ARHGAP39: variants seen among roughly 807,000 people sequenced by gnomAD.
ARHGAP39 encodes rho GTPase-activating protein 39.
Under a neutral mutation model 106.9 loss-of-function variants are expected in ARHGAP39, and 44 were observed. The ratio of observed to expected loss-of-function variants is 0.41; its 90% confidence interval spans 0.32 to 0.53. The LOEUF is 0.53. Among genes scored for constraint, ARHGAP39 ranks in the 20% least tolerant of loss-of-function variants. The probability of loss-of-function intolerance (pLI) is 0.21; values close to 1 mark genes in which losing one functional copy is unlikely to be tolerated. For synonymous variants in ARHGAP39, 768 were observed against 693.2 expected (o/e 1.11, Z -1.69); for missense variants, 1,496 against 1,577.3 (o/e 0.95, Z 0.87).
At chr8:144,617,737 T>A (rs1820676360) in intron 1 of ARHGAP39, among the ~76,000 whole-genome samples, 1 of 152,244 alleles carries the variant, frequency 6.6e-6, no homozygotes, top group South Asian at 2.1e-4. Context: ...TATAGTTTTA[T>A]GTTTTGCTTT....
At chr8:144,593,096 C>G (rs1318492466) in intron 2 of ARHGAP39, among the ~76,000 whole-genome samples, 1 of 152,180 alleles carries the variant, frequency 6.6e-6, no homozygotes, top group African/African-American at 2.4e-5. Context: ...ACTCAGGGTA[C>G]CCGGCGGGAT....
At chr8:144,599,562 C>G (rs544493786) in intron 2 of ARHGAP39, among the ~76,000 whole-genome samples, 4 of 152,142 alleles carry the variant, frequency 2.6e-5, no homozygotes, top group Non-Finnish European at 5.9e-5. Context: ...GGGGAAGAGG[C>G]CTGGCTGAAT....
chr8:144,636,058 C>G (rs1407815743), intron 1 of ARHGAP39, among the ~76,000 whole-genome samples: 1 of 149,106 alleles, frequency 6.7e-6, no homozygotes, highest in Non-Finnish European at 1.5e-5. Context: ...AGCACTTACC[C>G]GGTGGGATCT....
At chr8:144,559,954 C>T (rs765844974) in intron 3 of ARHGAP39, among the ~76,000 whole-genome samples, 7 of 152,220 alleles carry the variant, frequency 4.6e-5, no homozygotes, top group Non-Finnish European at 8.8e-5. Flanking sequence ...CACGTTGACA[C>T]TCAAAACGTT....
chr8:144,561,249 T>C (rs1818134620), intron 3 of ARHGAP39, among the ~76,000 whole-genome samples: 1 of 151,898 alleles, frequency 6.6e-6, no homozygotes, highest in Admixed American at 6.5e-5. Context: ...CACACTCCAG[T>C]GGTGTCCATC....
intron 1 of ARHGAP39, among the ~76,000 whole-genome samples, chr8:144,654,498 T>C (rs12719778): frequency 0.37 from 56,771 of 151,994 alleles, 12,343 homozygotes; most frequent in South Asian, 0.5. Flanking sequence ...AACAAGACCC[T>C]GTCAAAAAAA....
At position 144,685,773 on chromosome 8, in the gene ARHGAP39, C is replaced by G. The variant is rs1228084279; in HGVS notation, c.-169G>C. Among the ~76,000 whole-genome samples the G allele has an allele frequency of 1.4e-5, 2 of 147,846 alleles. No homozygotes were observed. Among genetic ancestry groups the G allele is most frequent in the African/African-American group, 4.9e-5 (2 of 41,008 alleles). On this transcript the variant is annotated 5_prime_UTR_variant, in exon 1 of 12. Coordinates refer to ENST00000377307, the MANE Select transcript of ARHGAP39 (RefSeq NM_025251.3). ...AGCCAGCCGCCGCTCCCCGGCCTCT[C>G]TGCTGCTCCGCCGCTGCTGCCGCGG...
chr8:144,545,667 G>C lies in ARHGAP39; in HGVS notation c.2103C>G (p.His701Gln). ...AGAGGCCCTGCGTGTGCTTGTTGAA[G>C]TGCTTGGAGGCCCAGTTCTCGATGT... ...ETDIENWASKHFNKHTQGLFR... is the reference protein window; with the variant it reads ...ETDIENWASKQFNKHTQGLFR... Residue 701 changes from histidine to glutamine, a missense_variant, in exon 6 of 12, where the codon CAC becomes CAG. Physicochemically the swap from His to Gln is conservative, Grantham distance 24 (BLOSUM62 0). Transcript: ENST00000377307. The C allele has an allele frequency of 6.2e-7, 1 of 1,613,568 alleles. No homozygotes were observed. The highest frequency in any genetic ancestry group is 8.5e-7 in the Non-Finnish European group (1 of 1,180,026).
chr8:144,690,645 C>CT (rs869059788), upstream of ARHGAP39, among the ~76,000 whole-genome samples: 2,064 of 142,824 alleles, frequency 0.014, 46 homozygotes, highest in African/African-American at 0.043. Flanking sequence ...TTTTGCCTGC[C>CT]TTTTTTTTTT....
chr8:144,646,268 G>A lies in ARHGAP39; in HGVS notation c.-82+39418C>T, dbSNP rs1005979048. On this transcript the variant is annotated intron_variant, in intron 1 of 11. Coordinates refer to ENST00000377307, the MANE Select transcript of ARHGAP39 (RefSeq NM_025251.3). This position sits in a 1 kb window ranked among gnomAD's most constrained non-coding sequence, Gnocchi z 5.7. ...GAGCACGTATGGACCAGGCCAACAG[G>A]GGGCCCCAAACAGGAGTGAGAACAA... Among the ~76,000 whole-genome samples, 1 of 152,158 alleles carries A rather than the reference G, an allele frequency of 6.6e-6. No homozygotes were observed. The highest frequency in any genetic ancestry group is 1.5e-5 in the Non-Finnish European group (1 of 68,028).
intron 1 of ARHGAP39, among the ~76,000 whole-genome samples, chr8:144,682,675 T>C (rs1021349334): frequency 1.3e-5 from 2 of 152,142 alleles, no homozygotes; most frequent in Non-Finnish European, 2.9e-5. Context: ...TTTATTTTAA[T>C]AAATCACCGT....
chr8:144,529,500 T>C lies in ARHGAP39; in HGVS notation c.*922A>G, dbSNP rs1816563384. The stretch of plus-strand genomic sequence containing the variant: ...CCGGGCCCGGCGCCTTCCCGCTCGC[T>C]CGTCTCCTGCAGGTCTGGGATGGGG... On this transcript the variant is annotated 3_prime_UTR_variant, in exon 12 of 12. Coordinates refer to ENST00000377307, the MANE Select transcript of ARHGAP39 (RefSeq NM_025251.3). 6.6e-6 allele frequency: 1 copy of C among 151,844 alleles called. No homozygotes were observed. The highest frequency in any genetic ancestry group is 2.4e-5 in the African/African-American group (1 of 41,302). The allele number at this position is 151,844 out of a possible 1,614,324, so 9.4% of individuals were successfully genotyped here.
At position 144,547,547 on chromosome 8, in the gene ARHGAP39, G is replaced by A. The variant is rs1458247071; in HGVS notation, c.1539C>T (p.Pro513=). The part of the protein sequence containing the change: ...QATSATPTEG[P]GDLLVEQPLA... ...GGGGCTGCTCCACAAGCAGGTCCCC[G>A]GGGCCCTCAGTGGGGGTGGCGCTGG... Residue 513 remains proline, a synonymous_variant, in exon 5 of 12, where the codon CCC becomes CCT. Transcript: ENST00000377307. The surrounding 1 kb of genome is among the most constrained non-coding windows in gnomAD (Gnocchi z 5.2). 8.8e-6 allele frequency: 13 copies of A among 1,474,044 alleles called. No individual in the cohort carries two copies. Among genetic ancestry groups the A allele is most frequent in the Admixed American group, 2.3e-5 (1 of 42,820 alleles). 91.3% of individuals were successfully genotyped at this position (1,474,044 alleles called of 1,614,324 possible).
intron 1 of ARHGAP39, among the ~76,000 whole-genome samples, chr8:144,680,288 G>A (rs1035863956): frequency 6.6e-6 from 1 of 152,204 alleles, no homozygotes; most frequent in Admixed American, 6.5e-5. Context: ...AAACTTTTCT[G>A]TAAATGGCCC....
At chr8:144,611,899 C>G (rs1448156693) in intron 1 of ARHGAP39, among the ~76,000 whole-genome samples, 1 of 151,782 alleles carries the variant, frequency 6.6e-6, no homozygotes, top group African/African-American at 2.4e-5. Flanking sequence ...TTCCCAGCTA[C>G]TCGGGAAGAC....
chr8:144,691,437 A>G, the ARHGAP39 span, among the ~76,000 whole-genome samples: 12 of 152,218 alleles, frequency 7.9e-5, no homozygotes, highest in African/African-American at 2.9e-4. Context: ...AACCCAAAGA[A>G]TGGACTTAGA....
Position 144,631,122 on chromosome 8 carries a change from T to TGAGCCA in ARHGAP39, c.-81-25433_-81-25428dup, listed in dbSNP as rs564111094. On this transcript the variant is annotated intron_variant, in intron 1 of 11. Coordinates refer to ENST00000377307, the MANE Select transcript of ARHGAP39 (RefSeq NM_025251.3). ...TTTAAATGACCAGATCCATCTCGCATGAGCCAGAGCCAGAGCTCACTCATC... is the reference window on the plus strand; with the variant it reads ...TTTAAATGACCAGATCCATCTCGCATGAGCCAGAGCCAGAGCCAGAGCTCACTCATC... Among the ~76,000 whole-genome samples, 330 of 152,312 alleles carry TGAGCCA rather than the reference T, an allele frequency of 2.2e-3. 4 individuals are homozygous for TGAGCCA. Among genetic ancestry groups the TGAGCCA allele is most frequent in the African/African-American group, 3.2e-3 (133 of 41,584 alleles).
chr8:144,595,897 CTT>C (rs1819602570), intron 2 of ARHGAP39, among the ~76,000 whole-genome samples: 2 of 152,180 alleles, frequency 1.3e-5, no homozygotes, highest in Non-Finnish European at 2.9e-5. Context: ...CTGATCTGCT[CTT>C]TGTTCCCAGA....
chr8:144,562,740 G>A (rs1224385513), intron 3 of ARHGAP39, among the ~76,000 whole-genome samples: 5 of 138,294 alleles, frequency 3.6e-5, no homozygotes, highest in African/African-American at 1.2e-4. Context: ...GGTTTCCATC[G>A]CACCCCAGTG....
Sources: allele counts gnomAD v4.1 joint callset (sites outside exome capture counted in the v4.1 genomes callset), GRCh38; gene constraint gnomAD v4.1.1; non-coding constraint Gnocchi (gnomAD v3.1); transcripts MANE v1.5; gene names NCBI Gene and HGNC (gene_info 2026-07-23, HGNC 2026-07-21).